The following TAB2 variants were observed in gnomAD, a reference collection of about 807,000 sequenced individuals.
The protein encoded by TAB2 is TGF-beta-activated kinase 1 and MAP3K7-binding protein 2.
TAB2 carries 3 observed loss-of-function variants against 65.0 expected under a neutral mutation model. That is an observed-to-expected ratio of 0.05 (90% CI 0.02 to 0.12). The LOEUF is 0.12. Ranked by LOEUF, TAB2 falls within the 10% of genes least tolerant of loss-of-function variation. The pLI is 1.00. For synonymous variants in TAB2, 298 were observed against 285.1 expected (o/e 1.05, Z -0.46); for missense variants, 623 against 840.3 (o/e 0.74, Z 3.20).
intron 1 of TAB2, among the ~76,000 whole-genome samples, chr6:149,275,132 T>TC: frequency 8.3e-6 from 1 of 120,836 alleles, no homozygotes; most frequent in East Asian, 2.6e-4. Context: ...TCTGTTTTTT[T>TC]TTTTTTTTTT....
At chr6:149,265,782 A>G (rs1253522777) in intron 1 of TAB2, among the ~76,000 whole-genome samples, 1 of 152,094 alleles carries the variant, frequency 6.6e-6, no homozygotes, top group Admixed American at 6.6e-5. Flanking sequence ...ATAAGGTACA[A>G]ACTCTTTAGC....
At chr6:149,263,908 T>C (rs1231489679) in intron 1 of TAB2, among the ~76,000 whole-genome samples, 1 of 152,202 alleles carries the variant, frequency 6.6e-6, no homozygotes, top group African/African-American at 2.4e-5. Flanking sequence ...TTCTTGACTT[T>C]GGAAACTGGA....
At chr6:149,233,816 C>T (rs571315233) in intron 1 of TAB2, among the ~76,000 whole-genome samples, 118 of 152,282 alleles carry the variant, frequency 7.7e-4, no homozygotes, top group African/African-American at 2.8e-3. Flanking sequence ...TACTTCTGCA[C>T]CAACCTAATA....
intron 1 of TAB2, chr6:149,220,693 C>G (rs1777124571): frequency 6.6e-6 from 1 of 152,196 alleles, no homozygotes; most frequent in Admixed American, 6.6e-5. Context: ...TCTTGGTTCA[C>G]TATAACTCTG....
chr6:149,256,827 T>A (rs1203933466), intron 1 of TAB2, among the ~76,000 whole-genome samples: 2 of 152,222 alleles, frequency 1.3e-5, no homozygotes, highest in East Asian at 3.8e-4. Flanking sequence ...AAAACTCGCC[T>A]ACATGCTACT....
At chr6:149,273,131 G>A (rs1185387888) in intron 1 of TAB2, among the ~76,000 whole-genome samples, 2 of 152,044 alleles carry the variant, frequency 1.3e-5, no homozygotes, top group Non-Finnish European at 2.9e-5. Flanking sequence ...TAGAGGCCAG[G>A]GATGCTGTTA....
chr6:149,288,884 GTC>G (rs1778724380), intron 1 of TAB2, among the ~76,000 whole-genome samples: 2 of 133,954 alleles, frequency 1.5e-5, no homozygotes, highest in South Asian at 4.7e-4. Context: ...TTGAGACAGA[GTC>G]TCGCTCTGTC....
intron 1 of TAB2, among the ~76,000 whole-genome samples, chr6:149,347,536 TA>T (rs1780344902): frequency 6.6e-6 from 1 of 152,190 alleles, no homozygotes; most frequent in African/African-American, 2.4e-5. Context: ...TGGATTACAT[TA>T]TTTTTGCAGA....
At chr6:149,329,667 G>T (rs1466930195) in intron 1 of TAB2, among the ~76,000 whole-genome samples, 1 of 149,638 alleles carries the variant, frequency 6.7e-6, no homozygotes, top group South Asian at 2.2e-4. Flanking sequence ...ATTGGAGCTG[G>T]GGGGGGCGGG....
chr6:149,384,634 G>T (rs1412727532), intron 3 of TAB2, among the ~76,000 whole-genome samples: 1 of 152,130 alleles, frequency 6.6e-6, no homozygotes, highest in Admixed American at 6.5e-5. Flanking sequence ...GGTAGTCAGT[G>T]GTCAGATATA....
At chr6:149,400,268 C>A in intron 6 of TAB2, 1 of 1,076,168 alleles carries the variant, frequency 9.3e-7, no homozygotes, top group Non-Finnish European at 1.3e-6. Context: ...AGGATGTGCA[C>A]GCACCCTCTC....
intron 6 of TAB2, chr6:149,400,401 G>A (rs755625687): frequency 6.8e-6 from 11 of 1,613,950 alleles, no homozygotes; most frequent in Admixed American, 1.7e-5. Context: ...CATGGCCAAC[G>A]AAAAGCCCAC....
chr6:149,263,024 C>A (rs369183836), intron 1 of TAB2, among the ~76,000 whole-genome samples: 1 of 152,028 alleles, frequency 6.6e-6, no homozygotes, highest in African/African-American at 2.4e-5. Flanking sequence ...AGGCCAGTCT[C>A]GAACTCCTGG....
chr6:149,257,812 G>A (rs1294330864), intron 1 of TAB2, among the ~76,000 whole-genome samples: 2 of 151,984 alleles, frequency 1.3e-5, no homozygotes, highest in African/African-American at 4.8e-5. Context: ...TCCTGGGGGA[G>A]CAAGACAAGC....
At chr6:149,400,817 C>T (rs553548233) in intron 6 of TAB2, 127 of 970,556 alleles carry the variant, frequency 1.3e-4, no homozygotes, top group African/African-American at 1.8e-4. Flanking sequence ...TTTGTTTCCC[C>T]CTTCCACATT....
At chr6:149,362,633 A>G (rs1583125010) in intron 1 of TAB2, among the ~76,000 whole-genome samples, 1 of 146,650 alleles carries the variant, frequency 6.8e-6, no homozygotes, top group East Asian at 2.0e-4. Context: ...ATTTGTCTGG[A>G]CTTTGGAACA....
chr6:149,391,415 C>T (rs907249271), intron 3 of TAB2, among the ~76,000 whole-genome samples: 1 of 152,024 alleles, frequency 6.6e-6, no homozygotes, highest in Non-Finnish European at 1.5e-5. Flanking sequence ...TTTCTGATCC[C>T]CACTATGGTT....
chr6:149,362,665 A>C (rs76279815), intron 1 of TAB2, among the ~76,000 whole-genome samples: 12 of 2,924 alleles, frequency 4.1e-3, no homozygotes, highest in Non-Finnish European at 8.3e-3. Flanking sequence ...ACAAAAATTA[A>C]CCTTTTTTTG....
chr6:149,371,449 A>G (rs1781224004), intron 2 of TAB2, among the ~76,000 whole-genome samples: 1 of 152,146 alleles, frequency 6.6e-6, no homozygotes, highest in East Asian at 1.9e-4. Context: ...TTCATACCCT[A>G]TGTTCTGGTC....
Sources: allele counts gnomAD v4.1 joint callset (sites outside exome capture counted in the v4.1 genomes callset), GRCh38; gene constraint gnomAD v4.1.1; transcripts MANE v1.5; gene names NCBI Gene and HGNC (gene_info 2026-07-23, HGNC 2026-07-21).